The following COL17A1 variants were observed in gnomAD, a reference collection of about 807,000 sequenced individuals.
COL17A1 encodes collagen type XVII alpha 1 chain.
In COL17A1, 181 loss-of-function variants were observed where a neutral mutation model predicts 218.4. The ratio of observed to expected loss-of-function variants is 0.83; its 90% CI spans 0.73 to 0.94. COL17A1 has a LOEUF of 0.94. Among genes scored for constraint, COL17A1 ranks in the 40% least tolerant of loss-of-function variants. The pLI, the probability that COL17A1 is intolerant of heterozygous loss-of-function variation, is 0.00. For missense variants in COL17A1, 1,924 were observed against 1,945.9 expected, an observed-to-expected ratio of 0.99 and a Z score of 0.21; for synonymous variants, 721 against 731.0, an observed-to-expected ratio of 0.99 and a Z score of 0.22.
chr10:104,040,849 T>G (rs1485036794), intron 39 of COL17A1, among the ~76,000 whole-genome samples: 2 of 152,210 alleles, frequency 1.3e-5, no homozygotes, highest in Admixed American at 1.3e-4. Context: ...AGGGCAGAGC[T>G]GGCTCCCTCC....
In COL17A1 at chr10:104,056,004, C is replaced by T; in HGVS notation, c.1466-1G>A. On this transcript the variant is annotated splice_acceptor_variant, in intron 17 of 55. Transcript: ENST00000648076. LOFTEE classifies it high-confidence loss of function. ...GCCTTCAGCTTCCTCACCTCCTCCGCTGCAACAAACAGACACACACTGCGT... is the reference window on the plus strand; with the variant it reads ...GCCTTCAGCTTCCTCACCTCCTCCGTTGCAACAAACAGACACACACTGCGT... The T allele has an allele frequency of 1.2e-6, 2 of 1,614,204 alleles. No individual in the cohort carries two copies. Among genetic ancestry groups the T allele is most frequent in the Non-Finnish European group, 1.7e-6 (2 of 1,180,028 alleles).
rs1244416290 is a variant in COL17A1 at position 104,037,097 on chromosome 10, G to A, written c.3225C>T (p.Val1075=). ...VSYLRTSGYG[V]SLFSSSISSE... is the part of the protein sequence containing the mutation. ...AAGAGATGGAGGACGAGAACAAGCT[G>A]ACACCGTACCCCGAAGCTGTCGGGA... The change falls in exon 47 of 56, where the codon GTC becomes GTT. Residue 1075 remains valine, a synonymous_variant. Coordinates refer to ENST00000648076, the MANE Select transcript of COL17A1 (RefSeq NM_000494.4). 1 of 1,606,784 alleles carries A rather than the reference G, an allele frequency of 6.2e-7. No homozygotes were observed. The highest frequency in any genetic ancestry group is 1.7e-5 in the Admixed American group (1 of 59,180).
In COL17A1 at chr10:104,036,474, C is replaced by T; in HGVS notation, c.3418+18G>A. On this transcript the variant is annotated intron_variant, in intron 48 of 55. Coordinates refer to ENST00000648076, the MANE Select transcript of COL17A1 (RefSeq NM_000494.4). ...TCATCCCAGGCCCTTCCCAACCACC[C>T]CTCCTGCAGACACTTACTCGACATG... 6.2e-7 allele frequency: 1 copy of T among 1,613,764 alleles called. No individual in the cohort carries two copies. The highest frequency in any genetic ancestry group is 8.5e-7 in the Non-Finnish European group (1 of 1,179,884).
At chr10:104,061,175 C>T (rs1232436627) in intron 13 of COL17A1, among the ~76,000 whole-genome samples, 4 of 152,160 alleles carry the variant, frequency 2.6e-5, no homozygotes, top group African/African-American at 4.8e-5. Context: ...GGTGGAGCTT[C>T]CTGCCCCCTT....
chr10:104,054,826 C>T (rs991591902), intron 20 of COL17A1, among the ~76,000 whole-genome samples, 155 bp downstream of exon 20: 3 of 152,172 alleles, frequency 2.0e-5, no homozygotes, highest in Non-Finnish European at 4.4e-5. Context: ...AGCCAAAGGT[C>T]CCTGGGATTG....
rs1328209719 is a variant in COL17A1, at chr10:104,070,567, T to A, written c.466A>T (p.Thr156Ser). ...AAACGCTTAACATCATCCAATTCTGTCCCTGTGAAAGAATCCACAGACGTT... is the reference window on the plus strand; with the variant it reads ...AAACGCTTAACATCATCCAATTCTGACCCTGTGAAAGAATCCACAGACGTT... ...LQSASPSTRW[T>S]ELDDVKRLLK... The change falls in exon 9 of 56, where the codon ACA becomes TCA. Residue 156 changes from threonine to serine, a missense_variant and splice_region_variant. Physicochemically the swap from Thr to Ser is moderately conservative, Grantham distance 58. Coordinates refer to ENST00000648076, the MANE Select transcript of COL17A1 (RefSeq NM_000494.4). 1 of 1,614,198 alleles carries A rather than the reference T, an allele frequency of 6.2e-7. No homozygotes were observed. The highest frequency in any genetic ancestry group is 1.7e-5 in the Admixed American group (1 of 60,024).
intron 48 of COL17A1, among the ~76,000 whole-genome samples, chr10:104,035,794 ATGAG>A (rs1224729861): frequency 6.9e-4 from 19 of 27,402 alleles, no homozygotes; most frequent in Non-Finnish European, 1.3e-3. Context: ...GTGTGTGTGT[ATGAG>A]TATGTGTGTA....
intron 48 of COL17A1, 48 bp downstream of exon 48, chr10:104,036,443 TC>T: frequency 6.2e-7 from 1 of 1,612,600 alleles, no homozygotes; most frequent in African/African-American, 1.3e-5. Flanking sequence ...CGAGTCCTCA[TC>T]CCAGTCATCC....
chr10:104,043,388 T>C, intron 35 of COL17A1, 113 bp downstream of exon 35: 1 of 985,862 alleles, frequency 1.0e-6, no homozygotes, highest in South Asian at 1.4e-5. Context: ...CTCCTTATTC[T>C]CTTTACCAGG....
chr10:104,056,497 G>A (rs573773973), intron 17 of COL17A1, among the ~76,000 whole-genome samples: 3 of 152,134 alleles, frequency 2.0e-5, no homozygotes, highest in African/African-American at 4.8e-5. Flanking sequence ...CAGGAGAATC[G>A]CTTGAACTCA....
chr10:104,050,224 G>A, intron 27 of COL17A1, 100 bp from the exon 28 acceptor site: 1 of 1,539,734 alleles, frequency 6.5e-7, no homozygotes, highest in Non-Finnish European at 8.9e-7. Flanking sequence ...AGTTCTCACT[G>A]TATCCGTGAA....
At chr10:104,039,301 C>T in intron 43 of COL17A1, 144 bp downstream of exon 43, 1 of 1,064,424 alleles carries the variant, frequency 9.4e-7, no homozygotes, top group South Asian at 1.3e-5. Flanking sequence ...TCCCTTCCAC[C>T]CTCTGGCCTT....
rs527468723 is a variant in COL17A1, at chr10:104,071,952, G to A, written c.463+80C>T. 2.8e-4 allele frequency: 448 copies of A among 1,572,776 alleles called. 2 individuals are homozygous for A. Among genetic ancestry groups the A allele is most frequent in the Admixed American group, 1.1e-3 (67 of 59,146 alleles). On this transcript the variant is annotated intron_variant, in intron 8 of 55. Transcript: ENST00000648076. The stretch of plus-strand genomic sequence containing the variant: ...TGTGTGCATGCATGCACACACACAC[G>A]CATGCACACACACACACACACACAG...
At chr10:104,079,430 G>A (rs2086743289) in intron 2 of COL17A1, among the ~76,000 whole-genome samples, 1 of 152,116 alleles carries the variant, frequency 6.6e-6, no homozygotes, top group Non-Finnish European at 1.5e-5. Context: ...ATACGTGTGG[G>A]GAAGGTGGTG....
In COL17A1 at chr10:104,062,318, G is replaced by C; in HGVS notation, c.850C>G (p.Gln284Glu). Residue 284 changes from glutamine to glutamate, a missense_variant, in exon 12 of 56, where the codon CAG (glutamine) becomes GAG (glutamate). Gln to Glu is a conservative substitution (Grantham distance 29, BLOSUM62 2). Transcript: ENST00000648076. ...GTCAAGCTGGGGGCCAGATTGTTCT[G>C]CATGCCAAACACTGTGAAAGCAACC... ...LSTSSSVFGM[Q>E]NNLAPSLTTL... is the part of the protein sequence containing the mutation. The C allele has an allele frequency of 6.2e-7, 1 of 1,614,216 alleles. No homozygotes were observed. Among genetic ancestry groups the C allele is most frequent in the Non-Finnish European group, 8.5e-7 (1 of 1,180,050 alleles).
Position 104,038,524 on chromosome 10 carries a change from T to C in COL17A1, c.2952A>G (p.Gly984=), listed in dbSNP as rs753516060. The C allele has an allele frequency of 6.2e-7, 1 of 1,611,882 alleles. No individual in the cohort carries two copies. The highest frequency in any genetic ancestry group is 1.3e-5 in the African/African-American group (1 of 74,906). Residue 984 remains glycine, a synonymous_variant, in exon 45 of 56, where the codon GGA becomes GGG. Transcript: ENST00000648076. ...CTGACACGTACATGGTACTTGATGA[T>C]CCCCCTGCAGCAAAGAGAAAGCGTC... is the stretch of plus-strand genomic sequence containing the variant. ...LGIPSGPSEG[G]SSSTMYVSGP... is the part of the protein sequence containing the mutation.
At chr10:104,037,911 G>A in intron 45 of COL17A1, 138 bp from the exon 46 acceptor site, 1 of 1,067,852 alleles carries the variant, frequency 9.4e-7, no homozygotes, top group Non-Finnish European at 1.4e-6. Context: ...AGGGAGCCTA[G>A]ACTTCCCCTC....
chr10:104,056,322 C>G (rs1202054174), intron 17 of COL17A1, among the ~76,000 whole-genome samples: 2 of 152,136 alleles, frequency 1.3e-5, no homozygotes, highest in African/African-American at 4.8e-5. Flanking sequence ...GTGGCTCAAG[C>G]CTGTAATCCC....
In COL17A1 at chr10:104,053,265, C is replaced by T. The variant is rs796379453; in HGVS notation, c.1835-130G>A. 1.8e-4 allele frequency: 183 copies of T among 1,007,182 alleles called. 1 individual carries two copies. Among genetic ancestry groups the T allele is most frequent in the South Asian group, 6.1e-4 (46 of 74,938 alleles). The allele number at this position is 1,007,182 out of a possible 1,614,324, so 62.4% of individuals were successfully genotyped here. ...CCTCCCTGCTTGCTTCTCTCCTGGA[C>T]CCCATAGCCTTGGCTCAACCTGGAA... is the stretch of plus-strand genomic sequence containing the variant. On this transcript the variant is annotated intron_variant, in intron 22 of 55. Transcript: ENST00000648076.
Sources: gnomAD v4.1 joint callset for allele counts (sites outside exome capture counted in the v4.1 genomes callset) on GRCh38, gnomAD v4.1.1 for gene constraint, MANE v1.5 for transcripts, NCBI Gene and HGNC (gene_info 2026-07-23, HGNC 2026-07-21) for gene names.